MMAA: variants seen among roughly 807,000 people sequenced by gnomAD.
MMAA encodes the protein methylmalonic aciduria type A protein, mitochondrial.
A neutral mutation model predicts 45.0 loss-of-function variants in MMAA; 41 were observed. The ratio of observed to expected loss-of-function variants is 0.91; its 90% CI spans 0.71 to 1.18. The LOEUF (loss-of-function observed/expected upper bound fraction) is 1.18, where lower values mean the gene tolerates loss of function less well. MMAA is among the 50% of genes most tolerant of loss of function. The probability of loss-of-function intolerance (pLI) is 0.00; values close to 1 mark genes in which losing one functional copy is unlikely to be tolerated. For missense variants in MMAA, 460 were observed against 495.7 expected (o/e 0.93, Z 0.68); for synonymous variants, 154 against 178.2 (o/e 0.86, Z 1.08).
Position 145,625,881 on chromosome 4 carries a change from A to C in MMAA, c.-66+6474A>C, listed in dbSNP as rs1434664712. The C allele has an allele frequency of 2.0e-6, 3 of 1,474,068 alleles. No individual in the cohort carries two copies. The East Asian group carries it at 6.8e-5, about 33-fold the overall frequency. The allele number at this position is 1,474,068 out of a possible 1,614,324, so 91.3% of individuals were successfully genotyped here. A position where few individuals can be genotyped will look rare whatever the true frequency, so the allele number is the denominator to read the frequency against. On this transcript the variant is annotated intron_variant, in intron 1 of 6. Transcript: ENST00000649156. Reference sequence around the variant, plus strand: ...CAGATGACGGGTTATGCAACTGTGAATCTGAGCTTTGACCTCTCGCAAGTT... The same window carrying C: ...CAGATGACGGGTTATGCAACTGTGACTCTGAGCTTTGACCTCTCGCAAGTT...
intron 1 of MMAA, chr4:145,625,483 GAT>G: frequency 2.8e-6 from 2 of 721,172 alleles, no homozygotes; most frequent in African/African-American, 3.5e-5. Context: ...CTGGCATAGG[GAT>G]ATAGCCTCTT....
intron 1 of MMAA, among the ~76,000 whole-genome samples, chr4:145,632,887 A>G (rs1294045428): frequency 1.3e-5 from 2 of 151,828 alleles, no homozygotes; most frequent in African/African-American, 4.8e-5. Flanking sequence ...CCTCCTGAGT[A>G]ACTGGGACTA....
intron 4 of MMAA, among the ~76,000 whole-genome samples, chr4:145,649,908 G>T (rs1728042539): frequency 6.6e-6 from 1 of 152,100 alleles, no homozygotes; most frequent in Non-Finnish European, 1.5e-5. Context: ...TTCCCAAGTA[G>T]CTGGGACTAC....
In MMAA at chr4:145,655,260, G is replaced by GC; in HGVS notation, c.1084dup (p.Gln362ProfsTer54). 6.2e-7 allele frequency: 1 copy of GC among 1,614,184 alleles called. No homozygotes were observed. On this transcript the variant is annotated frameshift_variant, in exon 7 of 7. Transcript: ENST00000649156. LOFTEE classifies it high-confidence loss of function. ...GGGAGCTGACTGCCAAACGACGGAA[G>GC]CAACAGAAAGTTTGGATGTGGAATC...
intron 1 of MMAA, chr4:145,624,660 TTA>T: frequency 2.1e-6 from 3 of 1,456,506 alleles, no homozygotes; most frequent in Non-Finnish European, 2.8e-6. Flanking sequence ...CAGGGAATCT[TTA>T]TGTTTCTCAG....
Position 145,620,564 on chromosome 4 carries a change from TG to T in MMAA, c.-66+1160del, listed in dbSNP as rs1189363531. 2.0e-5 allele frequency among the ~76,000 whole-genome samples: 3 copies of T among 152,192 alleles called. No individual in the cohort carries two copies. In the East Asian group the frequency reaches 5.8e-4, roughly 29 times the overall value. On this transcript the variant is annotated intron_variant, in intron 1 of 6. Transcript: ENST00000649156. ...TTAGTTAACACACACCTTCTGTGGG[TG>T]GGCCAGGTGCAACTAGTTTGTGACC...
Position 145,659,661 on chromosome 4 carries a change from AT to A in MMAA, c.*4232del, listed in dbSNP as rs1333467602. 1 of 151,980 alleles carries A rather than the reference AT, an allele frequency of 6.6e-6. No individual in the cohort carries two copies. The highest frequency in any genetic ancestry group is 1.5e-5 in the Non-Finnish European group (1 of 67,978). 9.4% of individuals were successfully genotyped at this position (151,980 alleles called of 1,614,324 possible). A position where few individuals can be genotyped will look rare whatever the true frequency, so the allele number is the denominator to read the frequency against. On this transcript the variant is annotated 3_prime_UTR_variant, in exon 7 of 7. Transcript: ENST00000649156. ...TAGAGTTCTTTTTTTTCTTTTTTCA[AT>A]TTTTACAATAATTTTTGACACATTG...
intron 5 of MMAA, 103 bp from the exon 6 acceptor site, chr4:145,653,891 T>C (rs1231659484): frequency 4.1e-6 from 5 of 1,220,066 alleles, no homozygotes; most frequent in Non-Finnish European, 6.1e-6. Context: ...CTTAGGAGGA[T>C]ATGGATGAAA....
chr4:145,644,253 G>C (rs10030540), intron 3 of MMAA, among the ~76,000 whole-genome samples: 4,862 of 152,268 alleles, frequency 0.032, 104 homozygotes, highest in Middle Eastern at 0.082. Flanking sequence ...GTAATTTAAA[G>C]TATAGCTTTG....
intron 1 of MMAA, among the ~76,000 whole-genome samples, chr4:145,620,312 T>C (rs1734064175): frequency 6.6e-6 from 1 of 152,176 alleles, no homozygotes; most frequent in African/African-American, 2.4e-5. Flanking sequence ...AAGTTACATA[T>C]CCATAAGAAA....
intron 1 of MMAA, among the ~76,000 whole-genome samples, chr4:145,628,890 G>A (rs1231668683): frequency 6.6e-6 from 1 of 152,152 alleles, no homozygotes; most frequent in African/African-American, 2.4e-5. Context: ...TTCTATGTGT[G>A]TGTGTGTATA....
chr4:145,655,169 G>A lies in MMAA; in HGVS notation c.992G>A (p.Ser331Asn). 1.2e-6 allele frequency: 2 copies of A among 1,614,152 alleles called. No individual in the cohort carries two copies. The highest frequency in any genetic ancestry group is 8.5e-7 in the Non-Finnish European group (1 of 1,179,992). Residue 331 changes from serine to asparagine, a missense_variant, in exon 7 of 7, where the codon AGT becomes AAT. By Grantham distance (46) the Ser-to-Asn change is conservative. Coordinates refer to ENST00000649156, the MANE Select transcript of MMAA (RefSeq NM_172250.3). The part of the protein sequence containing the change: ...KPKVIRISAR[S>N]GEGISEMWDK... ...TAGGTAATTCGTATTTCTGCCCGAA[G>A]TGGAGAGGGGATCTCTGAAATGTGG...
chr4:145,631,123 C>A (rs1734327437), intron 1 of MMAA, among the ~76,000 whole-genome samples: 1 of 152,200 alleles, frequency 6.6e-6, no homozygotes, highest in Admixed American at 6.5e-5. Flanking sequence ...GTGTTTTCCA[C>A]AGCCATTGGA....
Position 145,656,702 on chromosome 4 carries a change from C to G in MMAA, c.*1268C>G, listed in dbSNP as rs1188369318. On this transcript the variant is annotated 3_prime_UTR_variant, in exon 7 of 7. Transcript: ENST00000649156. ...AACTGTGTACATTTGAATAAAATTT[C>G]TAACCATAAAATTTCGCCATTGCAC... 5 of 152,240 alleles carry G rather than the reference C, an allele frequency of 3.3e-5. No homozygotes were observed. In the East Asian group the frequency reaches 9.6e-4, roughly 29 times the overall value. The allele number at this position is 152,240 out of a possible 1,614,324, so 9.4% of individuals were successfully genotyped here.
intron 1 of MMAA, chr4:145,624,072 G>A: frequency 1.2e-6 from 1 of 842,282 alleles, no homozygotes; most frequent in Non-Finnish European, 2.1e-6. Context: ...GTCAGACCCA[G>A]AAACACAATG....
Position 145,656,933 on chromosome 4 carries a change from GA to G in MMAA, c.*1502del, listed in dbSNP as rs1728249717. The G allele has an allele frequency of 6.6e-6, 1 of 152,174 alleles. No individual in the cohort carries two copies. Among genetic ancestry groups the G allele is most frequent in the African/African-American group, 2.4e-5 (1 of 41,442 alleles). The allele number at this position is 152,174 out of a possible 1,614,324, so 9.4% of individuals were successfully genotyped here. On this transcript the variant is annotated 3_prime_UTR_variant, in exon 7 of 7. Coordinates refer to ENST00000649156, the MANE Select transcript of MMAA (RefSeq NM_172250.3). ...TCATACAAGGATTAGGAGAAACTTT[GA>G]AAGGTTATCCACTTGACTTTTCTGA...
intron 1 of MMAA, chr4:145,624,670 C>A: frequency 6.8e-7 from 1 of 1,472,818 alleles, no homozygotes; most frequent in Non-Finnish European, 9.4e-7. Flanking sequence ...TTATGTTTCT[C>A]AGGCTCAGGT....
At chr4:145,642,521 C>A (rs759380744) in intron 3 of MMAA, 36 bp downstream of exon 3, 1 of 1,613,258 alleles carries the variant, frequency 6.2e-7, no homozygotes, top group South Asian at 1.1e-5. Context: ...TTGCAGAGGT[C>A]TGGGGGCTTT....
chr4:145,648,785 A>T (rs1386947416), intron 4 of MMAA, among the ~76,000 whole-genome samples: 1 of 151,906 alleles, frequency 6.6e-6, no homozygotes, highest in Non-Finnish European at 1.5e-5. Flanking sequence ...AGGAGTTCCA[A>T]ACCTCCCTGG....
Sources: gnomAD v4.1 joint callset for allele counts (sites outside exome capture counted in the v4.1 genomes callset) on GRCh38, gnomAD v4.1.1 for gene constraint, MANE v1.5 for transcripts, NCBI Gene and HGNC (gene_info 2026-07-23, HGNC 2026-07-21) for gene names.